VPS13B: variants seen among roughly 807,000 people sequenced by gnomAD.
VPS13B encodes the protein vacuolar protein sorting 13 homolog B.
A neutral mutation model predicts 426.4 loss-of-function variants in VPS13B; 285 were observed. That is an observed-to-expected ratio of 0.67 (90% CI 0.61 to 0.74). The LOEUF (loss-of-function observed/expected upper bound fraction) is 0.74. Among genes scored for constraint, VPS13B ranks in the 30% least tolerant of loss-of-function variants. The pLI is 0.00. For missense variants in VPS13B, 4,537 were observed against 4,782.6 expected (o/e 0.95, Z 1.51); for synonymous variants, 1,676 against 1,676.4 (o/e 1.00, Z 0.01).
At chr8:99,575,813 G>T in intron 32 of VPS13B, 29 bp downstream of exon 32, 1 of 1,605,850 alleles carries the variant, frequency 6.2e-7, no homozygotes, top group South Asian at 1.1e-5. Context: ...TTTTATTTTA[G>T]TCTAAATAAT....
intron 4 of VPS13B, 113 bp downstream of exon 4, chr8:99,096,545 C>T: frequency 7.5e-6 from 11 of 1,466,596 alleles, no homozygotes; most frequent in Non-Finnish European, 8.4e-6. Flanking sequence ...TACTTGAGGT[C>T]AGGAGTTTGA....
intron 19 of VPS13B, among the ~76,000 whole-genome samples, chr8:99,378,223 C>T (rs887192789): frequency 7.5e-5 from 11 of 147,080 alleles, no homozygotes; most frequent in Non-Finnish European, 1.5e-4. Flanking sequence ...ATTCCTCTTA[C>T]CCGTTTTCAG....
At chr8:99,223,028 G>A (rs543137051) in intron 17 of VPS13B, among the ~76,000 whole-genome samples, 31 of 152,088 alleles carry the variant, frequency 2.0e-4, no homozygotes, top group African/African-American at 7.5e-4. Flanking sequence ...GTAGAGACGG[G>A]GTTTCACCAG....
chr8:99,702,625 TCTCA>T (rs1241798885), intron 36 of VPS13B, among the ~76,000 whole-genome samples: 3 of 152,284 alleles, frequency 2.0e-5, no homozygotes, highest in African/African-American at 4.8e-5. Flanking sequence ...TTTCTTCGGT[TCTCA>T]CTCACTTTCT....
chr8:99,683,683 A>G (rs963337814), intron 35 of VPS13B, among the ~76,000 whole-genome samples: 1 of 152,170 alleles, frequency 6.6e-6, no homozygotes, highest in African/African-American at 2.4e-5. Context: ...TAGAAACTCA[A>G]TTGATTTTTG....
chr8:99,153,143 C>T (rs1463980001), intron 14 of VPS13B, among the ~76,000 whole-genome samples: 1 of 152,094 alleles, frequency 6.6e-6, no homozygotes, highest in African/African-American at 2.4e-5. Context: ...TGCACTCCAG[C>T]CTGGGTGACA....
At chr8:99,530,909 C>A (rs1270820654) in intron 30 of VPS13B, among the ~76,000 whole-genome samples, 1 of 152,088 alleles carries the variant, frequency 6.6e-6, no homozygotes, top group Non-Finnish European at 1.5e-5. Context: ...CATCTCGCTG[C>A]CTGTATCTGA....
intron 7 of VPS13B, among the ~76,000 whole-genome samples, chr8:99,116,681 G>T (rs1416559391): frequency 6.6e-6 from 1 of 151,878 alleles, no homozygotes; most frequent in Non-Finnish European, 1.5e-5. Flanking sequence ...CTATCTGCCC[G>T]CCTCAGCATC....
At chr8:99,196,512 A>G (rs1813940216) in intron 17 of VPS13B, among the ~76,000 whole-genome samples, 1 of 149,246 alleles carries the variant, frequency 6.7e-6, no homozygotes, top group Non-Finnish European at 1.5e-5. Context: ...TTGTCACCCA[A>G]GCTGGAGTGC....
At chr8:99,457,695 A>T (rs1460987838) in intron 23 of VPS13B, among the ~76,000 whole-genome samples, 4 of 151,946 alleles carry the variant, frequency 2.6e-5, no homozygotes, top group African/African-American at 9.7e-5. Context: ...GATTTGAGAA[A>T]TTTATTCCTG....
At chr8:99,332,400 A>G (rs1588260073) in intron 19 of VPS13B, among the ~76,000 whole-genome samples, 3 of 151,708 alleles carry the variant, frequency 2.0e-5, no homozygotes, top group Admixed American at 6.6e-5. Context: ...CTTTTCATAT[A>G]TGGCCACTTT....
chr8:99,106,454 A>AAC (rs1847054450), intron 5 of VPS13B, among the ~76,000 whole-genome samples: 1 of 148,686 alleles, frequency 6.7e-6, no homozygotes, highest in Non-Finnish European at 1.5e-5. Context: ...AAAAAAAAAA[A>AAC]CCCAAAACAA....
At chr8:99,507,653 C>G (rs142385006) in intron 28 of VPS13B, 33 of 1,528,388 alleles carry the variant, frequency 2.2e-5, no homozygotes, top group African/African-American at 1.5e-4. Context: ...AGCGGTTGCT[C>G]AAACCTAAAT....
intron 23 of VPS13B, among the ~76,000 whole-genome samples, chr8:99,467,149 GGAA>G (rs940872666): frequency 6.6e-6 from 1 of 152,020 alleles, no homozygotes; most frequent in South Asian, 2.1e-4. Flanking sequence ...CTAGGGTAAG[GGAA>G]GAAGAAGTTA....
chr8:99,528,046 A>G (rs1268281824), intron 30 of VPS13B: 1 of 152,020 alleles, frequency 6.6e-6, no homozygotes, highest in African/African-American at 2.4e-5. Flanking sequence ...TATAGTTTGT[A>G]TGGTTGTTTC....
chr8:99,448,539 T>C (rs757623974), intron 23 of VPS13B, among the ~76,000 whole-genome samples: 5 of 152,186 alleles, frequency 3.3e-5, no homozygotes, highest in Non-Finnish European at 7.4e-5. Context: ...AATTTACTCT[T>C]TGTCTTTACA....
chr8:99,555,933 G>C lies in VPS13B; in HGVS notation c.4746-517G>C, dbSNP rs181297639. 1.6e-4 allele frequency among the ~76,000 whole-genome samples: 24 copies of C among 152,150 alleles called. No individual in the cohort carries two copies. The East Asian group carries it at 4.5e-3, about 28-fold the overall frequency. ...TGAAGGGGTGAAATAGATTAAGAAG[G>C]CTCCATTACCTTTCCTAACAAGAAA... On this transcript the variant is annotated intron_variant, in intron 30 of 61. Coordinates refer to ENST00000357162, the MANE Select transcript of VPS13B (RefSeq NM_152564.5).
At position 99,776,498 on chromosome 8, in the gene VPS13B, T is replaced by C. The variant is rs538659259; in HGVS notation, c.7248-277T>C. Among the ~76,000 whole-genome samples the C allele has an allele frequency of 1.2e-4, 19 of 152,254 alleles. No homozygotes were observed. In the East Asian group the frequency reaches 3.5e-3, roughly 28 times the overall value. On this transcript the variant is annotated intron_variant, in intron 40 of 61. Transcript: ENST00000357162. ...CTGGATGAGGTGAGGTCTCACTATG[T>C]TACCCAGGCTGGTCTCGAACTCCTG...
chr8:99,444,476 A>G (rs2133444797), intron 23 of VPS13B, among the ~76,000 whole-genome samples: 1 of 152,296 alleles, frequency 6.6e-6, no homozygotes, highest in African/African-American at 2.4e-5. Context: ...AATATACTAA[A>G]TACACATCTT....
Sources: allele counts gnomAD v4.1 joint callset (sites outside exome capture counted in the v4.1 genomes callset), GRCh38; gene constraint gnomAD v4.1.1; transcripts MANE v1.5; gene names NCBI Gene and HGNC (gene_info 2026-07-23, HGNC 2026-07-21).